The following GRIA1 variants were observed in gnomAD, a reference collection of about 807,000 sequenced individuals.
GRIA1 encodes the protein glutamate ionotropic receptor AMPA type subunit 1.
GRIA1 carries 31 observed loss-of-function variants against 99.2 expected under a neutral mutation model. The observed-to-expected ratio is 0.31, with a 90% CI of 0.23 to 0.42. GRIA1 has a LOEUF of 0.42. Among genes scored for constraint, GRIA1 ranks in the 10% least tolerant of loss-of-function variants. The probability of loss-of-function intolerance (pLI) is 1.00; values close to 1 mark genes in which losing one functional copy is unlikely to be tolerated. For synonymous variants in GRIA1, 438 were observed against 432.4 expected, an observed-to-expected ratio of 1.01 and a Z score of -0.16; for missense variants, 782 against 1,157.5, an observed-to-expected ratio of 0.68 and a Z score of 4.71.
chr5:153,506,360 T>TGTGTGTGTGTGTGTGTGTGTG (rs1561593677), intron 2 of GRIA1, among the ~76,000 whole-genome samples: 1 of 147,248 alleles, frequency 6.8e-6, no homozygotes, highest in African/African-American at 2.5e-5. Flanking sequence ...TGTGTGTGTG[T>TGTGTGTGTGTGTGTGTGTGTG]TCATACATAT....
At chr5:153,718,657 C>T (rs1561796305) in intron 11 of GRIA1, among the ~76,000 whole-genome samples, 1 of 152,308 alleles carries the variant, frequency 6.6e-6, no homozygotes, top group East Asian at 1.9e-4. Context: ...ACCAGAGCCT[C>T]AAAAATCTTG....
At chr5:153,584,884 T>C (rs1561663933) in intron 2 of GRIA1, among the ~76,000 whole-genome samples, 1 of 152,206 alleles carries the variant, frequency 6.6e-6, no homozygotes, top group South Asian at 2.1e-4. Flanking sequence ...TGGAAAAGCA[T>C]AGGGAACACA....
intron 10 of GRIA1, among the ~76,000 whole-genome samples, chr5:153,700,143 G>C (rs1185700452): frequency 6.6e-6 from 1 of 152,194 alleles, no homozygotes; most frequent in Non-Finnish European, 1.5e-5. Context: ...CCAGCACCTT[G>C]GGAGGCCGAG....
At chr5:153,543,748 G>A (rs988664059) in intron 2 of GRIA1, among the ~76,000 whole-genome samples, 7 of 152,226 alleles carry the variant, frequency 4.6e-5, no homozygotes, top group South Asian at 4.1e-4. Flanking sequence ...CTCTATGTAC[G>A]AGGGCTAAAC....
intron 2 of GRIA1, among the ~76,000 whole-genome samples, chr5:153,579,339 T>C (rs1219774142): frequency 6.6e-6 from 1 of 152,248 alleles, no homozygotes; most frequent in African/African-American, 2.4e-5. Flanking sequence ...ATGTATTCTC[T>C]ATTTTTGGGC....
At chr5:153,698,205 C>A in intron 9 of GRIA1, 51 bp downstream of exon 9, 1 of 1,006,150 alleles carries the variant, frequency 9.9e-7, no homozygotes, top group Non-Finnish European at 1.6e-6. Flanking sequence ...GCTAGGCCAG[C>A]ACAAGGGTTT....
intron 2 of GRIA1, among the ~76,000 whole-genome samples, chr5:153,545,809 A>C (rs1403575221): frequency 3.3e-5 from 5 of 152,230 alleles, no homozygotes; most frequent in African/African-American, 1.2e-4. Flanking sequence ...GATAATATTT[A>C]AATGAAGGCC....
intron 2 of GRIA1, among the ~76,000 whole-genome samples, chr5:153,536,398 T>A (rs2113463319): frequency 6.6e-6 from 1 of 152,278 alleles, no homozygotes; most frequent in South Asian, 2.1e-4. Flanking sequence ...TCCCTTATCA[T>A]TCTGCCGTAC....
Position 153,647,010 on chromosome 5 carries a change from T to C in GRIA1, c.303T>C (p.Cys101=), listed in dbSNP as rs1754201208. The change falls in exon 3 of 16, where the codon TGT becomes TGC. Residue 101 remains cysteine, a synonymous_variant. Coordinates refer to ENST00000285900, the MANE Select transcript of GRIA1 (RefSeq NM_000827.4). ...RRTVNMLTSF[C]GALHVCFITP... is the part of the protein sequence containing the mutation. ...CTGTCAACATGCTGACCTCCTTTTG[T>C]GGGGCCCTCCACGTCTGCTTCATTA... 4 of 1,613,866 alleles carry C rather than the reference T, an allele frequency of 2.5e-6. No homozygotes were observed. The highest frequency in any genetic ancestry group is 3.4e-6 in the Non-Finnish European group (4 of 1,179,902).
At chr5:153,791,841 G>A (rs900110655) in intron 13 of GRIA1, among the ~76,000 whole-genome samples, 7 of 151,320 alleles carry the variant, frequency 4.6e-5, no homozygotes, top group African/African-American at 1.5e-4. Flanking sequence ...AAATAGCTGA[G>A]ACACATAGGT....
intron 13 of GRIA1, among the ~76,000 whole-genome samples, chr5:153,786,373 C>A (rs964699923): frequency 6.6e-6 from 1 of 152,054 alleles, no homozygotes; most frequent in Admixed American, 6.5e-5. Flanking sequence ...TAACTTCCAC[C>A]CACTGTCAGA....
In GRIA1 at chr5:153,513,053, G is replaced by A. The variant is rs983345274; in HGVS notation, c.220+18988G>A. On this transcript the variant is annotated intron_variant, in intron 2 of 15. Coordinates refer to ENST00000285900, the MANE Select transcript of GRIA1 (RefSeq NM_000827.4). ...CTCACCATAGTGGCACCATGATCTC[G>A]CACTTCCAGTTTCCAGAACTGTGAA... Among the ~76,000 whole-genome samples the A allele has an allele frequency of 9.9e-5, 15 of 152,194 alleles. No homozygotes were observed. In the East Asian group the frequency reaches 1.2e-3, roughly 12 times the overall value.
chr5:153,740,760 T>C lies in GRIA1; in HGVS notation c.1824-23674T>C, dbSNP rs74332121. 2.8e-3 allele frequency among the ~76,000 whole-genome samples: 431 copies of C among 152,166 alleles called. 4 individuals are homozygous for C. The highest frequency in any genetic ancestry group is 1.0e-2 in the African/African-American group (414 of 41,518). ...CTGGCCAGTGAACTATGAACAGAAG[T>C]GATGTGTGTCACTACTGAGAAGAAG... On this transcript the variant is annotated intron_variant, in intron 11 of 15. Coordinates refer to ENST00000285900, the MANE Select transcript of GRIA1 (RefSeq NM_000827.4).
chr5:153,620,108 TGC>T (rs1766891697), intron 2 of GRIA1, among the ~76,000 whole-genome samples: 3 of 152,180 alleles, frequency 2.0e-5, no homozygotes, highest in Non-Finnish European at 2.9e-5. Context: ...GTGAATTAGA[TGC>T]AAATACAAAA....
intron 11 of GRIA1, among the ~76,000 whole-genome samples, chr5:153,754,783 A>C (rs1762716213): frequency 6.6e-6 from 1 of 152,202 alleles, no homozygotes; most frequent in Non-Finnish European, 1.5e-5. Flanking sequence ...GCATTCATTT[A>C]CTAATGAGGG....
At chr5:153,630,708 A>G (rs1294961834) in intron 2 of GRIA1, among the ~76,000 whole-genome samples, 1 of 152,194 alleles carries the variant, frequency 6.6e-6, no homozygotes, top group African/African-American at 2.4e-5. Flanking sequence ...CTTTAGCACC[A>G]TCTGGCCTTA....
chr5:153,698,227 T>C, intron 9 of GRIA1, 73 bp downstream of exon 9: 1 of 798,468 alleles, frequency 1.3e-6, no homozygotes, highest in Non-Finnish European at 2.1e-6. Context: ...CCACCAGGAC[T>C]GAAAGCTGGC....
intron 2 of GRIA1, among the ~76,000 whole-genome samples, chr5:153,525,851 T>C (rs774250944): frequency 5.3e-5 from 8 of 152,202 alleles, no homozygotes; most frequent in Non-Finnish European, 1.0e-4. Flanking sequence ...CACACTCCAC[T>C]CAGTAAGTTG....
At chr5:153,574,733 T>C (rs2149366883) in intron 2 of GRIA1, among the ~76,000 whole-genome samples, 1 of 152,182 alleles carries the variant, frequency 6.6e-6, no homozygotes, top group Non-Finnish European at 1.5e-5. Flanking sequence ...AAAGGAGAAG[T>C]AATATAGGAG....
Sources: gnomAD v4.1 joint callset for allele counts (sites outside exome capture counted in the v4.1 genomes callset) on GRCh38, gnomAD v4.1.1 for gene constraint, MANE v1.5 for transcripts, NCBI Gene and HGNC (gene_info 2026-07-23, HGNC 2026-07-21) for gene names.